KANSL1L: variants seen among roughly 807,000 people sequenced by gnomAD.
KANSL1L encodes the protein KAT8 regulatory NSL complex subunit 1 like.
A neutral mutation model predicts 108.6 loss-of-function variants in KANSL1L; 25 were observed. That is an observed-to-expected ratio of 0.23 (90% confidence interval 0.17 to 0.32). KANSL1L has a LOEUF of 0.32. Among genes scored for constraint, KANSL1L ranks in the 10% least tolerant of loss-of-function variants. The pLI is 1.00. For missense variants in KANSL1L, 1,137 were observed against 1,125.7 expected, an observed-to-expected ratio of 1.01 and a Z score of -0.14; for synonymous variants, 405 against 395.1, an observed-to-expected ratio of 1.03 and a Z score of -0.30.
At chr2:210,101,453 T>C (rs150658286) in intron 4 of KANSL1L, among the ~76,000 whole-genome samples, 84 of 152,310 alleles carry the variant, frequency 5.5e-4, no homozygotes, top group South Asian at 5.0e-3. Flanking sequence ...AGAATTAATT[T>C]AAACAGATTA....
intron 5 of KANSL1L, among the ~76,000 whole-genome samples, chr2:210,091,133 C>T (rs1212624455): frequency 1.3e-5 from 2 of 152,106 alleles, no homozygotes; most frequent in Non-Finnish European, 2.9e-5. Context: ...GGATTATTAA[C>T]TCAACAACTA....
intron 5 of KANSL1L, among the ~76,000 whole-genome samples, chr2:210,095,758 C>G (rs144352959): frequency 2.4e-3 from 360 of 152,112 alleles, no homozygotes; most frequent in African/African-American, 8.2e-3. Context: ...AGATAACTAT[C>G]AACTGTTCTA....
chr2:210,108,846 C>G (rs1354486381), intron 3 of KANSL1L, among the ~76,000 whole-genome samples: 2 of 152,120 alleles, frequency 1.3e-5, no homozygotes, highest in Non-Finnish European at 2.9e-5. Flanking sequence ...ATCCTTCTTC[C>G]TACCTTCCTA....
intron 2 of KANSL1L, among the ~76,000 whole-genome samples, chr2:210,140,783 G>A (rs2095220707): frequency 6.6e-6 from 1 of 152,164 alleles, no homozygotes; most frequent in South Asian, 2.1e-4. Flanking sequence ...CGTGAACACA[G>A]GATGTTTTTC....
intron 6 of KANSL1L, among the ~76,000 whole-genome samples, chr2:210,056,539 G>A (rs1275585293): frequency 6.6e-6 from 1 of 152,076 alleles, no homozygotes; most frequent in Non-Finnish European, 1.5e-5. Context: ...GGAGTGCAGT[G>A]GTATGATCTC....
intron 8 of KANSL1L, among the ~76,000 whole-genome samples, chr2:210,037,332 C>T (rs895399629): frequency 3.3e-5 from 5 of 152,156 alleles, no homozygotes; most frequent in African/African-American, 1.2e-4. Context: ...TACTTATCAT[C>T]ATAATGATAA....
At chr2:210,065,050 C>G (rs1259495686) in intron 6 of KANSL1L, among the ~76,000 whole-genome samples, 2 of 151,544 alleles carry the variant, frequency 1.3e-5, no homozygotes, top group African/African-American at 4.8e-5. Context: ...CGTCTGTAAT[C>G]TCAGCACTTT....
At chr2:210,127,882 T>A (rs558161805) in intron 3 of KANSL1L, among the ~76,000 whole-genome samples, 3 of 147,096 alleles carry the variant, frequency 2.0e-5, no homozygotes, top group Non-Finnish European at 4.5e-5. Context: ...AATTAATATC[T>A]ACTATATATT....
chr2:210,061,457 T>C (rs1371751233), intron 6 of KANSL1L, among the ~76,000 whole-genome samples: 2 of 152,236 alleles, frequency 1.3e-5, no homozygotes, highest in Non-Finnish European at 2.9e-5. Flanking sequence ...TGAAGAAGCA[T>C]ATTATGATCA....
intron 2 of KANSL1L, among the ~76,000 whole-genome samples, chr2:210,141,226 TTTTA>T (rs372010735): frequency 2.0e-4 from 31 of 152,144 alleles, no homozygotes; most frequent in African/African-American, 5.3e-4. Context: ...CCTTTTTCTC[TTTTA>T]TTTATTTATT....
At chr2:210,115,795 A>G (rs951457496) in intron 3 of KANSL1L, among the ~76,000 whole-genome samples, 12 of 152,166 alleles carry the variant, frequency 7.9e-5, no homozygotes, top group Admixed American at 3.9e-4. Flanking sequence ...TGTTAATCCC[A>G]ATATCTACCC....
Position 210,170,331 on chromosome 2 carries a change from G to T in KANSL1L, c.-30+818C>A, listed in dbSNP as rs1011991808. 32 of 983,276 alleles carry T rather than the reference G, an allele frequency of 3.3e-5. No individual in the cohort carries two copies. In the African/African-American group the frequency reaches 3.3e-4, roughly 10 times the overall value. 60.9% of individuals were successfully genotyped at this position (983,276 alleles called of 1,614,324 possible). A position where few individuals can be genotyped will look rare whatever the true frequency, so the allele number is the denominator to read the frequency against. ...GTTTGGGGAATCAAAAACGGAATGTGCTTACCACAGTTCAAACAAAAAAAC... is the reference window on the plus strand; with the variant it reads ...GTTTGGGGAATCAAAAACGGAATGTTCTTACCACAGTTCAAACAAAAAAAC... On this transcript the variant is annotated intron_variant, in intron 1 of 14. Coordinates refer to ENST00000281772, the MANE Select transcript of KANSL1L (RefSeq NM_152519.4).
Position 210,024,113 on chromosome 2 carries a change from T to A in KANSL1L, c.2653A>T (p.Ser885Cys). 1 of 1,609,848 alleles carries A rather than the reference T, an allele frequency of 6.2e-7. No individual in the cohort carries two copies. The highest frequency in any genetic ancestry group is 1.1e-5 in the South Asian group (1 of 90,538). The change falls in exon 14 of 15, where the codon AGT becomes TGT. Residue 885 changes from serine to cysteine, a missense_variant. By Grantham distance (112) the Ser-to-Cys change is moderately radical. This residue lies in a region of KANSL1L where 575 missense variants were observed against 567.1 expected (regional missense o/e 1.01). Coordinates refer to ENST00000281772, the MANE Select transcript of KANSL1L (RefSeq NM_152519.4). ...FSSSQQCAAA[S>C]PPGLPSENQD... Reference sequence around the variant, plus strand: ...TTCTCTGAAGGAAGCCCAGGAGGACTTGCAGCAGCACATTGCTGACTGCTA... The same window carrying A: ...TTCTCTGAAGGAAGCCCAGGAGGACATGCAGCAGCACATTGCTGACTGCTA...
Position 210,154,319 on chromosome 2 carries a change from T to C in KANSL1L, c.264A>G (p.Thr88=), listed in dbSNP as rs2095321618. The change falls in exon 2 of 15, where the codon ACA becomes ACG. Residue 88 remains threonine, a synonymous_variant. Coordinates refer to ENST00000281772, the MANE Select transcript of KANSL1L (RefSeq NM_152519.4). ...QTVFLMRSNS[T]LNKHNENYKQ... ...TATAATTCTCATTGTGTTTATTTAA[T>C]GTAGAATTAGATCTCATTAAAAAAA... 1.2e-6 allele frequency: 2 copies of C among 1,612,526 alleles called. No homozygotes were observed.
At chr2:210,133,172 T>G (rs2095142238) in intron 2 of KANSL1L, among the ~76,000 whole-genome samples, 1 of 152,044 alleles carries the variant, frequency 6.6e-6, no homozygotes. Context: ...AATGGTCAAG[T>G]CCCTTATATA....
chr2:210,047,484 G>C (rs2094237540), intron 6 of KANSL1L, among the ~76,000 whole-genome samples: 1 of 152,102 alleles, frequency 6.6e-6, no homozygotes, highest in Non-Finnish European at 1.5e-5. Context: ...TTATAACAAG[G>C]ATCACTTTTC....
Position 210,031,544 on chromosome 2 carries a change from G to T in KANSL1L, c.2032C>A (p.His678Asn). Residue 678 changes from histidine (H) to asparagine (N), a missense_variant and splice_region_variant, in exon 9 of 15, where the codon CAT (histidine) becomes AAT (asparagine). Around this residue, in one of 3 missense-constraint regions of KANSL1L, gnomAD observed 575 missense variants for 567.1 expected, o/e 1.01. Coordinates refer to ENST00000281772, the MANE Select transcript of KANSL1L (RefSeq NM_152519.4). ...TTTCTCCATTGATTCAGAGTACTAT[G>T]TACTAAAACAAATGAAAAGGAAATA... is the stretch of plus-strand genomic sequence containing the variant. ...DEYIISPSPV[H>N]STLNQWRNGY... 6.7e-7 allele frequency: 1 copy of T among 1,502,588 alleles called. No homozygotes were observed. Among genetic ancestry groups the T allele is most frequent in the Non-Finnish European group, 9.0e-7 (1 of 1,105,940 alleles). 93.1% of individuals were successfully genotyped at this position (1,502,588 alleles called of 1,614,324 possible). A position where few individuals can be genotyped will look rare whatever the true frequency, so the allele number is the denominator to read the frequency against.
At position 210,031,410 on chromosome 2, in the gene KANSL1L, C is replaced by CT. The variant is rs1484938374; in HGVS notation, c.2155+10dup. 3.2e-6 allele frequency: 5 copies of CT among 1,579,318 alleles called. No homozygotes were observed. Among genetic ancestry groups the CT allele is most frequent in the Non-Finnish European group, 3.5e-6 (4 of 1,155,216 alleles). ...TTTATCACTACTGCTTATATCCTCA[C>CT]TTTAACCTACCTAATGCTGTTTCAC... On this transcript the variant is annotated intron_variant, in intron 9 of 14. Transcript: ENST00000281772.
At chr2:210,064,684 T>C (rs1435056588) in intron 6 of KANSL1L, among the ~76,000 whole-genome samples, 2 of 151,764 alleles carry the variant, frequency 1.3e-5, no homozygotes, top group Non-Finnish European at 2.9e-5. Flanking sequence ...TGGCAGTACA[T>C]GCTTGTACCA....
Sources: gnomAD v4.1 joint callset for allele counts (sites outside exome capture counted in the v4.1 genomes callset) on GRCh38, gnomAD v4.1.1 for gene constraint, gnomAD v4.1.1 regional missense constraint, MANE v1.5 for transcripts, NCBI Gene and HGNC (gene_info 2026-07-23, HGNC 2026-07-21) for gene names.